C1orf105: variants seen among roughly 807,000 people sequenced by gnomAD.
C1orf105 encodes the protein uncharacterized protein C1orf105.
In C1orf105, 17 loss-of-function variants were observed where a neutral mutation model predicts 20.8. The observed-to-expected ratio is 0.82, with a 90% CI of 0.56 to 1.23. The LOEUF is 1.23. Among genes scored for constraint, C1orf105 ranks in the 50% most tolerant of loss-of-function variants. The probability of loss-of-function intolerance (pLI) is 0.00; values close to 1 mark genes in which losing one functional copy is unlikely to be tolerated. For synonymous variants in C1orf105, 72 were observed against 72.1 expected (o/e 1.00, Z 0.01); for missense variants, 219 against 213.5 (o/e 1.03, Z -0.16).
chr1:172,441,399 C>A, intron 1 of C1orf105: 1 of 203,684 alleles, frequency 4.9e-6, no homozygotes, highest in Non-Finnish European at 9.8e-6. Context: ...ACACTTACTT[C>A]ACTCTTCATG....
At position 172,442,253 on chromosome 1, in the gene C1orf105, G is replaced by A. The variant is rs1469733958; in HGVS notation, c.22-2820G>A. ...CCATAAGTGAAAGTAATGAAGACTA[G>A]GGCACTCTTCAGGTCAGCCCACCGG... On this transcript the variant is annotated intron_variant, in intron 1 of 6. Transcript: ENST00000367727. The A allele has an allele frequency of 2.5e-6, 4 of 1,613,772 alleles. No individual in the cohort carries two copies. The South Asian group carries it at 4.4e-5, about 18-fold the overall frequency.
At chr1:172,456,277 C>A in intron 3 of C1orf105, 138 bp from the exon 4 acceptor site, 1 of 732,486 alleles carries the variant, frequency 1.4e-6, no homozygotes, top group Non-Finnish European at 2.4e-6. Context: ...CTGGATGGGG[C>A]TGAGACCAGA....
intron 1 of C1orf105, among the ~76,000 whole-genome samples, chr1:172,421,591 G>A (rs1004616678): frequency 1.2e-4 from 19 of 152,204 alleles, no homozygotes; most frequent in African/African-American, 4.6e-4. Context: ...CGCAGAGCAA[G>A]ATGGCCAAAC....
chr1:172,443,110 T>C (rs1647524222), intron 1 of C1orf105: 1 of 168,322 alleles, frequency 5.9e-6, no homozygotes, highest in South Asian at 2.0e-4. Flanking sequence ...GTATTAGTCC[T>C]GCTTTGGTAA....
At chr1:172,424,014 T>C (rs1373448305) in intron 1 of C1orf105, among the ~76,000 whole-genome samples, 1 of 152,214 alleles carries the variant, frequency 6.6e-6, no homozygotes. Flanking sequence ...AAGTTACTAT[T>C]GAATCTAAAT....
chr1:172,448,148 A>G (rs1263595833), intron 2 of C1orf105, among the ~76,000 whole-genome samples: 1 of 152,200 alleles, frequency 6.6e-6, no homozygotes, highest in African/African-American at 2.4e-5. Flanking sequence ...GAAACCTGGG[A>G]TTCATTTCGC....
At chr1:172,431,812 G>A (rs1189950786) in intron 1 of C1orf105, among the ~76,000 whole-genome samples, 2 of 152,232 alleles carry the variant, frequency 1.3e-5, no homozygotes, top group African/African-American at 4.8e-5. Flanking sequence ...TGCTCAAGAG[G>A]TTGGGGGATT....
At chr1:172,456,794 C>A (rs1649300886) in intron 4 of C1orf105, among the ~76,000 whole-genome samples, 1 of 152,162 alleles carries the variant, frequency 6.6e-6, no homozygotes, top group Non-Finnish European at 1.5e-5. Flanking sequence ...GATTATGGAG[C>A]TCCTTCTCCC....
chr1:172,458,681 G>A (rs904701400), intron 4 of C1orf105, among the ~76,000 whole-genome samples: 3 of 152,108 alleles, frequency 2.0e-5, no homozygotes, highest in African/African-American at 7.2e-5. Context: ...CATTTTTATA[G>A]AAATTTGCAA....
chr1:172,456,716 G>C (rs1171653123), intron 4 of C1orf105, among the ~76,000 whole-genome samples: 5 of 152,202 alleles, frequency 3.3e-5, no homozygotes, highest in Non-Finnish European at 5.9e-5. Flanking sequence ...AGATGGGCCA[G>C]AGTAGAGATG....
chr1:172,431,647 C>T lies in C1orf105; in HGVS notation c.21+10741C>T, dbSNP rs2071876851. The stretch of plus-strand genomic sequence containing the variant: ...CCAAGATGGCCAAATAGGAACAGCT[C>T]CAGTCTGCAGCTCCCGGCGTGATCG... On this transcript the variant is annotated intron_variant, in intron 1 of 6. Transcript: ENST00000367727. Among the ~76,000 whole-genome samples, 4 of 152,242 alleles carry T rather than the reference C, an allele frequency of 2.6e-5. No homozygotes were observed. In the South Asian group the frequency reaches 8.3e-4, roughly 32 times the overall value.
chr1:172,448,420 TC>T lies in C1orf105; in HGVS notation c.108-20del, dbSNP rs779199899. On this transcript the variant is annotated intron_variant, in intron 2 of 6. Transcript: ENST00000367727. ...AAACATGGGACTGCGGTTCTAACGT[TC>T]TCTTGTTTTAATTACTTAGATATCC... 1 of 1,535,860 alleles carries T rather than the reference TC, an allele frequency of 6.5e-7. No homozygotes were observed. Among genetic ancestry groups the T allele is most frequent in the East Asian group, 2.3e-5 (1 of 44,438 alleles).
chr1:172,464,858 G>A lies in C1orf105; in HGVS notation c.342-441G>A, dbSNP rs139489836. On this transcript the variant is annotated intron_variant, in intron 5 of 6. Transcript: ENST00000367727. The stretch of plus-strand genomic sequence containing the variant: ...AGTGGCCTTATCATCAGGTTAACCG[G>A]TAGTAGATTCAAGAGATTACGTGTG... 2.6e-5 allele frequency among the ~76,000 whole-genome samples: 4 copies of A among 152,242 alleles called. No homozygotes were observed. The East Asian group carries it at 7.7e-4, about 29-fold the overall frequency.
At chr1:172,464,166 C>T (rs1649885602) in intron 5 of C1orf105, among the ~76,000 whole-genome samples, 1 of 152,168 alleles carries the variant, frequency 6.6e-6, no homozygotes, top group African/African-American at 2.4e-5. Flanking sequence ...AGAAAAGATG[C>T]AGGATAGATA....
At chr1:172,433,719 C>A (rs371480191) in intron 1 of C1orf105, among the ~76,000 whole-genome samples, 2 of 152,350 alleles carry the variant, frequency 1.3e-5, no homozygotes, top group African/African-American at 4.8e-5. Flanking sequence ...ATCCAGCTAA[C>A]ATCACAATTG....
chr1:172,448,621 C>A, intron 3 of C1orf105, 90 bp downstream of exon 3: 1 of 754,612 alleles, frequency 1.3e-6, no homozygotes. Context: ...TAGCACAGCC[C>A]TGTGCTTGGT....
Position 172,468,711 on chromosome 1 carries a change from A to AT in C1orf105, c.*121dup. 2 of 1,207,012 alleles carry AT rather than the reference A, an allele frequency of 1.7e-6. No homozygotes were observed. The highest frequency in any genetic ancestry group is 2.3e-6 in the Non-Finnish European group (2 of 865,938). 74.8% of individuals were successfully genotyped at this position (1,207,012 alleles called of 1,614,324 possible). On this transcript the variant is annotated 3_prime_UTR_variant, in exon 7 of 7. Coordinates refer to ENST00000367727, the MANE Select transcript of C1orf105 (RefSeq NM_139240.4). Reference sequence around the variant, plus strand: ...CTCTCTTCTCCCAAAAGATGATTTAATTTTGCCTTCCTAAGATTGCTGGTA... The same window carrying AT: ...CTCTCTTCTCCCAAAAGATGATTTAATTTTTGCCTTCCTAAGATTGCTGGTA...
In C1orf105 at chr1:172,430,767, G is replaced by T. The variant is rs147341635; in HGVS notation, c.21+9861G>T. ...GATACAGCATTTTTTACAAATTGAA[G>T]ATTTGTGGCAACCTTGTGTTAAGCA... On this transcript the variant is annotated intron_variant, in intron 1 of 6. Transcript: ENST00000367727. 4.6e-5 allele frequency among the ~76,000 whole-genome samples: 7 copies of T among 152,266 alleles called. No individual in the cohort carries two copies. The East Asian group carries it at 1.4e-3, about 29-fold the overall frequency.
intron 1 of C1orf105, among the ~76,000 whole-genome samples, chr1:172,429,221 TATACACACAC>T (rs757553508): frequency 3.3e-4 from 21 of 62,840 alleles, no homozygotes; most frequent in Admixed American, 1.2e-3. Flanking sequence ...TAAATACAAA[TATACACACAC>T]ACACACACAC....
Sources: allele counts gnomAD v4.1 joint callset (sites outside exome capture counted in the v4.1 genomes callset), GRCh38; gene constraint gnomAD v4.1.1; transcripts MANE v1.5; gene names NCBI Gene and HGNC (gene_info 2026-07-23, HGNC 2026-07-21).